Variants in NTSR1 observed in about 807,000 individuals in gnomAD.
NTSR1 encodes neurotensin receptor type 1.
NTSR1 carries 29 observed loss-of-function variants against 31.2 expected under a neutral mutation model. The ratio of observed to expected loss-of-function variants is 0.93; its 90% CI spans 0.69 to 1.27. The LOEUF (loss-of-function observed/expected upper bound fraction) is 1.27. Ranked by LOEUF, NTSR1 falls within the 50% of genes most tolerant of loss-of-function variation. NTSR1 has a pLI of 0.00. For missense variants in NTSR1, 697 were observed against 595.4 expected (o/e 1.17, Z -1.78); for synonymous variants, 282 against 269.9 (o/e 1.04, Z -0.44).
rs1353315949 is a variant in NTSR1 at position 62,733,691 on chromosome 20, CAGAG to C, written c.715-20988_715-20985del. On this transcript the variant is annotated intron_variant, in intron 1 of 3. Coordinates refer to ENST00000370501, the MANE Select transcript of NTSR1 (RefSeq NM_002531.3). The surrounding 1 kb of genome is among the most constrained non-coding windows in gnomAD (Gnocchi z 5.2). ...AGGAAAGAGAGGAGAGAGGGAAAGG[CAGAG>C]AGAGAAACAGAGGGAGAAACACAAA... Among the ~76,000 whole-genome samples, 1 of 149,294 alleles carries C rather than the reference CAGAG, an allele frequency of 6.7e-6. No individual in the cohort carries two copies. The highest frequency in any genetic ancestry group is 2.5e-5 in the African/African-American group (1 of 40,336).
intron 3 of NTSR1, among the ~76,000 whole-genome samples, chr20:62,759,549 T>C (rs923589087): frequency 2.0e-5 from 3 of 150,432 alleles, no homozygotes; most frequent in East Asian, 2.0e-4. Context: ...CTGAGGTGGG[T>C]GGATCACGAG....
rs1988707190 is a variant in NTSR1, at chr20:62,715,937, A to C, written c.714+6016A>C. Among the ~76,000 whole-genome samples, 1 of 152,194 alleles carries C rather than the reference A, an allele frequency of 6.6e-6. No homozygotes were observed. The stretch of plus-strand genomic sequence containing the variant: ...GCCCGAGAGGACGTCCGACCTGTGC[A>C]CGAACCAGAGGCTGCCTTCGTTTTT... On this transcript the variant is annotated intron_variant, in intron 1 of 3. Coordinates refer to ENST00000370501, the MANE Select transcript of NTSR1 (RefSeq NM_002531.3). This position sits in a 1 kb window ranked among gnomAD's most constrained non-coding sequence, Gnocchi z 4.7.
At chr20:62,720,667 C>T (rs1988815003) in intron 1 of NTSR1, among the ~76,000 whole-genome samples, 1 of 151,234 alleles carries the variant, frequency 6.6e-6, no homozygotes, top group South Asian at 2.1e-4. Context: ...TCTTCATTTC[C>T]TTTTTCTGCT....
intron 1 of NTSR1, among the ~76,000 whole-genome samples, chr20:62,731,320 G>C (rs1446145505): frequency 6.6e-6 from 1 of 152,142 alleles, no homozygotes; most frequent in Non-Finnish European, 1.5e-5. Flanking sequence ...CTGACCTCAG[G>C]TGATCCACCC....
At chr20:62,739,861 G>T (rs78251336) in intron 1 of NTSR1, among the ~76,000 whole-genome samples, 4,684 of 152,358 alleles carry the variant, frequency 0.031, 158 homozygotes, top group African/African-American at 0.087. Flanking sequence ...GGCCGGCGGG[G>T]TGCGGGACGC....
chr20:62,746,163 C>T (rs898810216), intron 1 of NTSR1, among the ~76,000 whole-genome samples: 4 of 152,242 alleles, frequency 2.6e-5, no homozygotes, highest in South Asian at 4.1e-4. Flanking sequence ...ACCAGGCCCC[C>T]ACACTACCCC....
At position 62,733,734 on chromosome 20, in the gene NTSR1, G is replaced by GGA. The variant is rs747366854; in HGVS notation, c.715-20942_715-20941dup. On this transcript the variant is annotated intron_variant, in intron 1 of 3. Coordinates refer to ENST00000370501, the MANE Select transcript of NTSR1 (RefSeq NM_002531.3). This position sits in a 1 kb window ranked among gnomAD's most constrained non-coding sequence, Gnocchi z 5.2. ...GAGAAACACAAAGAGAGGGAGAGAA[G>GGA]GAGAGAGAGACACAGAGAGAAAGGG... Among the ~76,000 whole-genome samples, 7 of 151,608 alleles carry GGA rather than the reference G, an allele frequency of 4.6e-5. No individual in the cohort carries two copies. In the East Asian group the frequency reaches 1.4e-3, roughly 29 times the overall value.
At chr20:62,717,520 C>T (rs777003149) in intron 1 of NTSR1, among the ~76,000 whole-genome samples, 8 of 152,182 alleles carry the variant, frequency 5.3e-5, no homozygotes, top group Non-Finnish European at 8.8e-5. Context: ...TCCCCATAAG[C>T]CAACTGGAGG....
chr20:62,748,323 A>G (rs966192884), intron 1 of NTSR1, among the ~76,000 whole-genome samples: 3 of 152,220 alleles, frequency 2.0e-5, no homozygotes, highest in African/African-American at 7.2e-5. Context: ...ATGCATTGCA[A>G]GAATTCATAT....
rs779836302 is a variant in NTSR1 at position 62,709,127 on chromosome 20, C to T, written c.-81C>T. 3 of 1,181,034 alleles carry T rather than the reference C, an allele frequency of 2.5e-6. No individual in the cohort carries two copies. Among genetic ancestry groups the T allele is most frequent in the Non-Finnish European group, 3.3e-6 (3 of 901,204 alleles). 73.2% of individuals were successfully genotyped at this position (1,181,034 alleles called of 1,614,324 possible). A position where few individuals can be genotyped will look rare whatever the true frequency, so the allele number is the denominator to read the frequency against. ...CTCCCCTGGGCTCCCGTTCATCGGT[C>T]CCCGCCTGAGACGCGCCCACTCCTG... On this transcript the variant is annotated 5_prime_UTR_variant, in exon 1 of 4. Transcript: ENST00000370501.
chr20:62,744,662 G>T lies in NTSR1; in HGVS notation c.715-10023G>T, dbSNP rs1169314774. 6.6e-6 allele frequency among the ~76,000 whole-genome samples: 1 copy of T among 152,142 alleles called. No individual in the cohort carries two copies. The highest frequency in any genetic ancestry group is 1.5e-5 in the Non-Finnish European group (1 of 68,024). On this transcript the variant is annotated intron_variant, in intron 1 of 3. Coordinates refer to ENST00000370501, the MANE Select transcript of NTSR1 (RefSeq NM_002531.3). The surrounding 1 kb of genome is among the most constrained non-coding windows in gnomAD (Gnocchi z 4.1). ...GAATCACTTGAACCTGGGAGACGGAGGTTGTGATAAGCAGAAATCGCGCCA... is the reference window on the plus strand; with the variant it reads ...GAATCACTTGAACCTGGGAGACGGATGTTGTGATAAGCAGAAATCGCGCCA...
At chr20:62,753,668 A>G (rs1989431412) in intron 1 of NTSR1, among the ~76,000 whole-genome samples, 1 of 152,248 alleles carries the variant, frequency 6.6e-6, no homozygotes, top group African/African-American at 2.4e-5. Flanking sequence ...TCTGGCTTGC[A>G]GAGAAGAGCA....
At chr20:62,717,670 A>G (rs558297192) in intron 1 of NTSR1, among the ~76,000 whole-genome samples, 128 of 152,280 alleles carry the variant, frequency 8.4e-4, no homozygotes, top group African/African-American at 2.8e-3. Flanking sequence ...AGCGCTTGGG[A>G]GGGCTGGGAG....
rs370576977 is a variant in NTSR1, at chr20:62,762,569, G to T, written c.*2302G>T. The T allele has an allele frequency of 6.6e-6, 1 of 152,090 alleles. No homozygotes were observed. The highest frequency in any genetic ancestry group is 2.4e-5 in the African/African-American group (1 of 41,396). The allele number at this position is 152,090 out of a possible 1,614,324, so 9.4% of individuals were successfully genotyped here. On this transcript the variant is annotated 3_prime_UTR_variant, in exon 4 of 4. Transcript: ENST00000370501. The stretch of plus-strand genomic sequence containing the variant: ...ACCTGATCTCGTATCACTAGCTTGC[G>T]GCCAGGTCATGATGTGGCCCCGGAA...
intron 1 of NTSR1, among the ~76,000 whole-genome samples, chr20:62,720,138 A>G (rs2147134003): frequency 6.6e-6 from 1 of 152,252 alleles, no homozygotes; most frequent in South Asian, 2.1e-4. Flanking sequence ...TGTCTCTACT[A>G]AAAATACAAA....
Position 62,758,471 on chromosome 20 carries a change from C to T in NTSR1, c.1007+115C>T, listed in dbSNP as rs559524369. ...CACTCAGGGCAGGGGTGTGGTGAGT[C>T]CCCCGGCGACCCCCTGGGCAGGGTT... On this transcript the variant is annotated intron_variant, in intron 3 of 3. Coordinates refer to ENST00000370501, the MANE Select transcript of NTSR1 (RefSeq NM_002531.3). This position sits in a 1 kb window ranked among gnomAD's most constrained non-coding sequence, Gnocchi z 4.5. 6 of 865,154 alleles carry T rather than the reference C, an allele frequency of 6.9e-6. No individual in the cohort carries two copies. The African/African-American group carries it at 9.9e-5, about 14-fold the overall frequency. 53.6% of individuals were successfully genotyped at this position (865,154 alleles called of 1,614,324 possible).
intron 1 of NTSR1, among the ~76,000 whole-genome samples, chr20:62,727,210 G>A (rs1988923032): frequency 6.6e-6 from 1 of 152,168 alleles, no homozygotes; most frequent in African/African-American, 2.4e-5. Flanking sequence ...CCCCCACCCT[G>A]AGCCGGGCTC....
intron 1 of NTSR1, among the ~76,000 whole-genome samples, chr20:62,747,276 C>T (rs1600732267): frequency 6.6e-6 from 1 of 152,204 alleles, no homozygotes; most frequent in African/African-American, 2.4e-5. Context: ...CCACAGCTAA[C>T]ACCACACTCA....
intron 1 of NTSR1, among the ~76,000 whole-genome samples, chr20:62,737,841 G>A (rs1375118406): frequency 6.6e-6 from 1 of 150,744 alleles, no homozygotes; most frequent in African/African-American, 2.5e-5. Context: ...TTGATGACCT[G>A]ACCCCTGCCC....
Sources: gnomAD v4.1 joint callset for allele counts (sites outside exome capture counted in the v4.1 genomes callset) on GRCh38, gnomAD v4.1.1 for gene constraint, Gnocchi (gnomAD v3.1) non-coding constraint, MANE v1.5 for transcripts, NCBI Gene and HGNC (gene_info 2026-07-23, HGNC 2026-07-21) for gene names.